The following CPXM2 variants were observed in gnomAD, a reference collection of about 807,000 sequenced individuals.
CPXM2 encodes inactive carboxypeptidase-like protein X2.
CPXM2 carries 66 observed loss-of-function variants against 86.1 expected under a neutral mutation model. The observed-to-expected ratio is 0.77, with a 90% CI of 0.63 to 0.94. The LOEUF (loss-of-function observed/expected upper bound fraction) is 0.94. CPXM2 is among the 40% of genes least tolerant of loss of function. The pLI, the probability that CPXM2 is intolerant of heterozygous loss-of-function variation, is 0.00. For missense variants in CPXM2, 948 were observed against 1,026.3 expected, an observed-to-expected ratio of 0.92 and a Z score of 1.04; for synonymous variants, 388 against 400.2, an observed-to-expected ratio of 0.97 and a Z score of 0.36.
chr10:123,942,740 T>C (rs898777976), upstream of CPXM2, among the ~76,000 whole-genome samples: 1 of 152,200 alleles, frequency 6.6e-6, no homozygotes, highest in Non-Finnish European at 1.5e-5. Context: ...GGAGTAGCCA[T>C]CTTTTTGTTT....
At position 123,768,583 on chromosome 10, in the gene CPXM2, C is replaced by T. The variant is rs370958461; in HGVS notation, c.1242G>A (p.Thr414=). ...NARIVHLVEE[T]RIHVLPSLNP... The stretch of plus-strand genomic sequence containing the variant: ...TGAGGGAGGGGAGGACGTGAATCCG[C>T]GTCTCCTCCACCAGGTGGACGATGC... Residue 414 remains threonine (T), a synonymous_variant, in exon 9 of 14, where the codon ACG becomes ACA. Transcript: ENST00000241305. 10 of 1,613,886 alleles carry T rather than the reference C, an allele frequency of 6.2e-6. No individual in the cohort carries two copies. The highest frequency in any genetic ancestry group is 3.3e-5 in the Admixed American group (2 of 59,986).
chr10:123,867,185 C>T (rs1028126400), intron 2 of CPXM2, among the ~76,000 whole-genome samples: 6 of 152,192 alleles, frequency 3.9e-5, no homozygotes, highest in Admixed American at 2.6e-4. Context: ...TCCCACATCC[C>T]TTTATGCAAA....
intron 11 of CPXM2, among the ~76,000 whole-genome samples, chr10:123,758,417 CTGTCTT>C (rs1315549119): frequency 1.3e-5 from 2 of 152,160 alleles, no homozygotes; most frequent in African/African-American, 4.8e-5. Context: ...CTCTCTGCCT[CTGTCTT>C]CATACGGGCT....
Position 123,842,407 on chromosome 10 carries a change from C to A in CPXM2, c.595G>T (p.Ala199Ser), listed in dbSNP as rs1488641334. ...NDLQQWIEVDARRLTRFTGVI... is the reference protein window; with the variant it reads ...NDLQQWIEVDSRRLTRFTGVI... ...CCAGTGAATCTGGTCAGGCGCCGAGCATCCACTTCAATCCACTGCTGGAGG... is the reference window on the plus strand; with the variant it reads ...CCAGTGAATCTGGTCAGGCGCCGAGAATCCACTTCAATCCACTGCTGGAGG... The change falls in exon 4 of 14, where the codon GCT becomes TCT. Residue 199 changes from alanine to serine, a missense_variant. Physicochemically the swap from Ala to Ser is moderately conservative, Grantham distance 99 (BLOSUM62 1). Coordinates refer to ENST00000241305, the MANE Select transcript of CPXM2 (RefSeq NM_198148.3). The A allele has an allele frequency of 1.9e-6, 3 of 1,614,144 alleles. No homozygotes were observed. Among genetic ancestry groups the A allele is most frequent in the Non-Finnish European group, 1.7e-6 (2 of 1,180,050 alleles).
chr10:123,862,556 A>G, intron 3 of CPXM2, 58 bp downstream of exon 3: 1 of 1,454,962 alleles, frequency 6.9e-7, no homozygotes, highest in Non-Finnish European at 9.7e-7. Flanking sequence ...ATCCAAGCTC[A>G]AGGAACCAGA....
intron 6 of CPXM2, among the ~76,000 whole-genome samples, chr10:123,783,647 T>C (rs765335): frequency 0.077 from 11,741 of 152,246 alleles, 515 homozygotes; most frequent in South Asian, 0.11. Flanking sequence ...GGCCCTGAAA[T>C]GTCAGATCTA....
At chr10:123,849,437 CTTTTTTT>C (rs11317738) in intron 3 of CPXM2, among the ~76,000 whole-genome samples, 4 of 110,172 alleles carry the variant, frequency 3.6e-5, no homozygotes, top group Non-Finnish European at 7.0e-5. Context: ...AACGTTCACT[CTTTTTTT>C]TTTTTTTTTT....
upstream of CPXM2, among the ~76,000 whole-genome samples, chr10:123,896,016 C>A (rs1454684905): frequency 2.0e-5 from 3 of 152,186 alleles, no homozygotes; most frequent in African/African-American, 7.2e-5. Flanking sequence ...CCTCAAACAC[C>A]TTACACGGCT....
chr10:123,859,490 T>C (rs528672957), intron 3 of CPXM2, among the ~76,000 whole-genome samples: 36 of 152,326 alleles, frequency 2.4e-4, no homozygotes, highest in Admixed American at 1.0e-3. Flanking sequence ...GGACTGGGGC[T>C]GTATGTCGAA....
chr10:123,761,404 G>A (rs1253677640), intron 11 of CPXM2, among the ~76,000 whole-genome samples: 1 of 152,164 alleles, frequency 6.6e-6, no homozygotes, highest in East Asian at 1.9e-4. Flanking sequence ...CATCACCCAA[G>A]AACAGAATAG....
chr10:123,817,182 CA>C (rs1847830392), intron 4 of CPXM2, among the ~76,000 whole-genome samples: 2 of 152,162 alleles, frequency 1.3e-5, no homozygotes, highest in African/African-American at 4.8e-5. Context: ...TTGAATGACC[CA>C]AAAGGCTGCC....
chr10:123,893,668 A>C (rs28624661), upstream of CPXM2, among the ~76,000 whole-genome samples: 1 of 131,644 alleles, frequency 7.6e-6, no homozygotes, highest in Non-Finnish European at 1.6e-5. Context: ...CTGGATCCCC[A>C]CCCACCCTCC....
chr10:123,874,577 A>AT (rs1030461074), intron 2 of CPXM2, among the ~76,000 whole-genome samples: 33 of 151,822 alleles, frequency 2.2e-4, no homozygotes, highest in Middle Eastern at 6.8e-3. Context: ...TTAAGTGCCA[A>AT]TTTTTTTTTG....
chr10:123,898,970 G>A (rs969057305), intron 2 of CPXM2, among the ~76,000 whole-genome samples: 1 of 151,964 alleles, frequency 6.6e-6, no homozygotes, highest in African/African-American at 2.4e-5. Context: ...GGCTGGTCTC[G>A]AACTCCTGAC....
intron 3 of CPXM2, 39 bp downstream of exon 3, chr10:123,862,575 C>T (rs766471193): frequency 1.3e-6 from 2 of 1,562,636 alleles, no homozygotes; most frequent in South Asian, 2.2e-5. Flanking sequence ...GAGCAATAAA[C>T]AAGGCAGTCA....
At chr10:123,765,890 T>A (rs1169865283) in intron 10 of CPXM2, among the ~76,000 whole-genome samples, 1 of 152,196 alleles carries the variant, frequency 6.6e-6, no homozygotes, top group Admixed American at 6.5e-5. Flanking sequence ...CCAGCTCCCT[T>A]GAATCCCCAG....
chr10:123,764,784 G>T (rs1158948721), intron 10 of CPXM2, among the ~76,000 whole-genome samples: 1 of 151,828 alleles, frequency 6.6e-6, no homozygotes, highest in African/African-American at 2.4e-5. Context: ...CTTTCTTTGG[G>T]TTTCTTCTGT....
In CPXM2 at chr10:123,891,532, CGGCTCCA is replaced by C. The variant is rs1945272196; in HGVS notation, c.121_127del (p.Trp41GlyfsTer68). ...CTCCGGGCGCGCGTAGTAGGGCTCC[CGGCTCCA>C]GATCTCCTGCCCGTAATAATCAGGG... On this transcript the variant is annotated frameshift_variant, in exon 1 of 14. Transcript: ENST00000241305. LOFTEE classifies it high-confidence loss of function. This position sits in a 1 kb window ranked among gnomAD's most constrained non-coding sequence, Gnocchi z 5.6. 1 of 1,548,404 alleles carries C rather than the reference CGGCTCCA, an allele frequency of 6.5e-7. No individual in the cohort carries two copies.
rs567542414 is a variant in CPXM2 at position 123,826,009 on chromosome 10, T to C, written c.653+16340A>G. On this transcript the variant is annotated intron_variant, in intron 4 of 13. Coordinates refer to ENST00000241305, the MANE Select transcript of CPXM2 (RefSeq NM_198148.3). ...TCACTTTCCATTGCACAGCATCATG[T>C]AGTTCCAGCAATCAGTACAAACATC... Among the ~76,000 whole-genome samples the C allele has an allele frequency of 9.9e-4, 151 of 152,322 alleles. 1 individual carries two copies. Among genetic ancestry groups the C allele is most frequent in the Non-Finnish European group, 4.0e-4 (27 of 68,020 alleles).
Sources: allele counts gnomAD v4.1 joint callset (sites outside exome capture counted in the v4.1 genomes callset), GRCh38; gene constraint gnomAD v4.1.1; non-coding constraint Gnocchi (gnomAD v3.1); transcripts MANE v1.5; gene names NCBI Gene and HGNC (gene_info 2026-07-23, HGNC 2026-07-21).